The following SPIDR variants were observed in gnomAD, a reference collection of about 807,000 sequenced individuals.
SPIDR encodes DNA repair-scaffolding protein.
SPIDR carries 93 observed loss-of-function variants against 104.6 expected under a neutral mutation model. The observed-to-expected ratio is 0.89, with a 90% CI of 0.75 to 1.06. The LOEUF is 1.06. Among genes scored for constraint, SPIDR ranks in the 50% least tolerant of loss-of-function variants. The pLI, the probability that SPIDR is intolerant of heterozygous loss-of-function variation, is 0.00. For missense variants in SPIDR, 1,154 were observed against 1,111.2 expected (o/e 1.04, Z -0.55); for synonymous variants, 431 against 416.9 (o/e 1.03, Z -0.41).
chr8:47,673,752 A>G lies in SPIDR; in HGVS notation c.1545-49A>G, dbSNP rs369470325. ...AGAAGAGGGAAATCTTGATCTCTGT[A>G]TTAATCCAAACTGCCTCCTCAAAGA... On this transcript the variant is annotated intron_variant, in intron 10 of 19. Coordinates refer to ENST00000297423, the MANE Select transcript of SPIDR (RefSeq NM_001080394.4). 34 of 1,613,148 alleles carry G rather than the reference A, an allele frequency of 2.1e-5. 1 individual carries two copies. The South Asian group carries it at 2.6e-4, about 13-fold the overall frequency.
At chr8:47,483,223 T>C (rs1223254884) in intron 8 of SPIDR, among the ~76,000 whole-genome samples, 1 of 152,252 alleles carries the variant, frequency 6.6e-6, no homozygotes, top group Non-Finnish European at 1.5e-5. Context: ...AACTTTCTTT[T>C]ATTCTTTTAT....
chr8:47,480,259 G>A (rs568430072), intron 8 of SPIDR, among the ~76,000 whole-genome samples: 14 of 152,254 alleles, frequency 9.2e-5, no homozygotes, highest in Admixed American at 5.9e-4. Context: ...AAGATTAGGA[G>A]GAAAGCAATT....
At chr8:47,683,071 C>A (rs945244614) in intron 11 of SPIDR, among the ~76,000 whole-genome samples, 2 of 152,206 alleles carry the variant, frequency 1.3e-5, no homozygotes, top group African/African-American at 2.4e-5. Context: ...CTGAGAGATT[C>A]TGTTTGAACT....
At chr8:47,453,143 TC>T (rs1351615473) in intron 8 of SPIDR, among the ~76,000 whole-genome samples, 2 of 152,132 alleles carry the variant, frequency 1.3e-5, no homozygotes, top group Non-Finnish European at 2.9e-5. Flanking sequence ...TACCTGGGAA[TC>T]CAACTTAGAA....
intron 16 of SPIDR, among the ~76,000 whole-genome samples, chr8:47,720,535 C>T (rs2083247181): frequency 1.3e-5 from 2 of 152,196 alleles, no homozygotes; most frequent in African/African-American, 4.8e-5. Context: ...GTAGTAGTAT[C>T]TCACTGCTGC....
chr8:47,382,825 C>T lies in SPIDR; in HGVS notation c.526-13551C>T, dbSNP rs201863099. Among the ~76,000 whole-genome samples, 58 of 152,230 alleles carry T rather than the reference C, an allele frequency of 3.8e-4. No individual in the cohort carries two copies. The East Asian group carries it at 4.0e-3, about 11-fold the overall frequency. On this transcript the variant is annotated intron_variant, in intron 5 of 19. Transcript: ENST00000297423. Reference sequence around the variant, plus strand: ...TGGTCAGCTCCTATAAGTATATGCCCGCATTTCTCCTTTTATGCACCACTT... The same window carrying T: ...TGGTCAGCTCCTATAAGTATATGCCTGCATTTCTCCTTTTATGCACCACTT...
intron 8 of SPIDR, among the ~76,000 whole-genome samples, chr8:47,451,725 G>A (rs186214047): frequency 6.6e-5 from 10 of 152,204 alleles, no homozygotes; most frequent in East Asian, 3.9e-4. Flanking sequence ...AACAGAGCCC[G>A]AAGCACCTGT....
chr8:47,731,727 T>A (rs2085275949), intron 19 of SPIDR, among the ~76,000 whole-genome samples: 1 of 152,158 alleles, frequency 6.6e-6, no homozygotes, highest in South Asian at 2.1e-4. Context: ...TGTCAGCCAA[T>A]TCCTTGTCTC....
intron 5 of SPIDR, among the ~76,000 whole-genome samples, chr8:47,344,910 C>T (rs1321359407): frequency 3.3e-5 from 5 of 152,170 alleles, no homozygotes; most frequent in African/African-American, 7.2e-5. Flanking sequence ...TTCTCCCATT[C>T]TATAGGTTGC....
At chr8:47,295,677 CTA>C (rs1343526790) in intron 5 of SPIDR, among the ~76,000 whole-genome samples, 1 of 152,080 alleles carries the variant, frequency 6.6e-6, no homozygotes, top group African/African-American at 2.4e-5. Context: ...TGTATATATA[CTA>C]TATTTACTTT....
intron 15 of SPIDR, 44 bp downstream of exon 15, chr8:47,712,916 C>T (rs760871376): frequency 1.2e-5 from 19 of 1,610,156 alleles, no homozygotes; most frequent in Middle Eastern, 1.8e-4. Flanking sequence ...GCGACTGATC[C>T]GTGCCCATAG....
At chr8:47,403,987 T>G (rs905365836) in intron 6 of SPIDR, among the ~76,000 whole-genome samples, 2 of 152,178 alleles carry the variant, frequency 1.3e-5, no homozygotes, top group Admixed American at 1.3e-4. Context: ...AGCATGGTAC[T>G]GGTACCAAAA....
chr8:47,660,955 A>T (rs1027852545), intron 10 of SPIDR: 14 of 985,314 alleles, frequency 1.4e-5, no homozygotes, highest in Non-Finnish European at 1.6e-5. Context: ...GAAGAGATGC[A>T]GGCACTTAAC....
intron 5 of SPIDR, among the ~76,000 whole-genome samples, chr8:47,294,999 TC>T (rs1177959608): frequency 6.6e-6 from 1 of 152,210 alleles, no homozygotes; most frequent in Non-Finnish European, 1.5e-5. Context: ...CATTGTTTTT[TC>T]CCCTTCATTT....
intron 5 of SPIDR, among the ~76,000 whole-genome samples, chr8:47,371,746 C>A (rs1439608663): frequency 6.6e-6 from 1 of 152,100 alleles, no homozygotes. Context: ...CAAAAGAGGT[C>A]ATGAAATAAA....
At chr8:47,279,032 G>A (rs1403177956) in intron 1 of SPIDR, among the ~76,000 whole-genome samples, 6 of 151,172 alleles carry the variant, frequency 4.0e-5, no homozygotes, top group African/African-American at 7.3e-5. Context: ...AACTACAGTC[G>A]TGTGCCACCA....
rs1554658611 is a variant in SPIDR, at chr8:47,396,509, T to C, written c.659T>C (p.Met220Thr). 1 of 1,614,148 alleles carries C rather than the reference T, an allele frequency of 6.2e-7. No homozygotes were observed. The highest frequency in any genetic ancestry group is 8.5e-7 in the Non-Finnish European group (1 of 1,180,014). Residue 220 changes from methionine to threonine, a missense_variant, in exon 6 of 20, where the codon ATG becomes ACG. Met to Thr is a moderately conservative substitution (Grantham distance 81, BLOSUM62 -1). Transcript: ENST00000297423. ...TTTGCATCGGATGCAAGACAGATTA[T>C]GGAGAGACTGATAGATCCAAGGACA... The part of the protein sequence containing the change: ...VQFASDARQI[M>T]ERLIDPRTKS...
chr8:47,531,247 C>A (rs1019487268), intron 8 of SPIDR, among the ~76,000 whole-genome samples: 2 of 152,082 alleles, frequency 1.3e-5, no homozygotes, highest in African/African-American at 4.8e-5. Flanking sequence ...CAAACATTAG[C>A]CTAGGCCTAC....
chr8:47,280,401 T>A (rs1301359141), intron 2 of SPIDR, among the ~76,000 whole-genome samples: 1 of 150,390 alleles, frequency 6.6e-6, no homozygotes, highest in Non-Finnish European at 1.5e-5. Flanking sequence ...CTAATTTTTT[T>A]TTTTTTTTGG....
Sources: gnomAD v4.1 joint callset for allele counts (sites outside exome capture counted in the v4.1 genomes callset) on GRCh38, gnomAD v4.1.1 for gene constraint, MANE v1.5 for transcripts, NCBI Gene and HGNC (gene_info 2026-07-23, HGNC 2026-07-21) for gene names.